Variants in DNM3 observed in about 807,000 individuals in gnomAD.
DNM3 encodes dynamin-3.
DNM3 carries 47 observed loss-of-function variants against 101.6 expected under a neutral mutation model. That is an observed-to-expected ratio of 0.46 (90% CI 0.37 to 0.59). DNM3 has a LOEUF of 0.59. Ranked by LOEUF, DNM3 falls within the 20% of genes least tolerant of loss-of-function variation. The pLI is 0.00. For missense variants in DNM3, 849 were observed against 1,085.7 expected, an observed-to-expected ratio of 0.78 and a Z score of 3.06; for synonymous variants, 385 against 387.9, an observed-to-expected ratio of 0.99 and a Z score of 0.09.
intron 14 of DNM3, among the ~76,000 whole-genome samples, chr1:172,170,531 G>A (rs540016168): frequency 6.6e-6 from 1 of 152,002 alleles, no homozygotes; most frequent in Admixed American, 6.6e-5. Flanking sequence ...GTTAATGTGT[G>A]TAAGGCTCCT....
At chr1:172,271,931 G>A (rs182379999) in intron 15 of DNM3, among the ~76,000 whole-genome samples, 7 of 152,152 alleles carry the variant, frequency 4.6e-5, no homozygotes, top group Non-Finnish European at 8.8e-5. Context: ...TGTCAATGAC[G>A]CCCATGGTGA....
intron 1 of DNM3, among the ~76,000 whole-genome samples, chr1:171,859,143 T>C (rs952959431): frequency 6.6e-6 from 1 of 152,164 alleles, no homozygotes; most frequent in Admixed American, 6.6e-5. Context: ...TTATGTGTTG[T>C]TATTCTTTTA....
chr1:172,379,751 T>A (rs1289394753), intron 18 of DNM3, among the ~76,000 whole-genome samples: 2 of 152,072 alleles, frequency 1.3e-5, no homozygotes, highest in Non-Finnish European at 2.9e-5. Flanking sequence ...CTGAAAATCC[T>A]GCTTGACTAG....
chr1:172,101,526 A>C (rs894530108), intron 13 of DNM3, among the ~76,000 whole-genome samples: 1 of 152,194 alleles, frequency 6.6e-6, no homozygotes, highest in Admixed American at 6.5e-5. Context: ...TTTGTATTAA[A>C]TGTGATAATA....
At chr1:171,920,805 C>T (rs928317309) in intron 1 of DNM3, among the ~76,000 whole-genome samples, 4 of 152,142 alleles carry the variant, frequency 2.6e-5, no homozygotes, top group Non-Finnish European at 5.9e-5. Flanking sequence ...TTTATCAAAA[C>T]GTCCATTTAT....
intron 1 of DNM3, among the ~76,000 whole-genome samples, chr1:171,854,803 G>A (rs942047174): frequency 6.6e-6 from 1 of 151,836 alleles, no homozygotes; most frequent in African/African-American, 2.4e-5. Context: ...CTGACCTCAG[G>A]TGATTCGCCA....
At chr1:171,960,828 G>T (rs763070200) in intron 2 of DNM3, among the ~76,000 whole-genome samples, 7 of 152,178 alleles carry the variant, frequency 4.6e-5, no homozygotes, top group African/African-American at 9.7e-5. Context: ...GCAGGATGGG[G>T]TGAGGTGGTA....
chr1:172,064,010 C>A (rs1180216975), intron 10 of DNM3, among the ~76,000 whole-genome samples: 2 of 152,008 alleles, frequency 1.3e-5, no homozygotes, highest in East Asian at 1.9e-4. Context: ...AGGCAACCTG[C>A]CACTCAAGAC....
At chr1:172,081,755 T>C in intron 11 of DNM3, 77 bp from the exon 12 acceptor site, 1 of 1,162,260 alleles carries the variant, frequency 8.6e-7, no homozygotes, top group South Asian at 1.5e-5. Context: ...GGTAATTAAT[T>C]TGTGGGCAAT....
At chr1:172,023,999 G>T (rs1459066138) in intron 4 of DNM3, among the ~76,000 whole-genome samples, 1 of 151,016 alleles carries the variant, frequency 6.6e-6, no homozygotes, top group Non-Finnish European at 1.5e-5. Flanking sequence ...TCTGTTTATG[G>T]CCTTCTAATT....
chr1:171,960,661 C>T (rs1200724555), intron 2 of DNM3, among the ~76,000 whole-genome samples: 4 of 152,042 alleles, frequency 2.6e-5, no homozygotes, highest in Non-Finnish European at 5.9e-5. Flanking sequence ...TGAGCAGATA[C>T]ATTAGGAGAG....
intron 20 of DNM3, among the ~76,000 whole-genome samples, chr1:172,404,152 T>G (rs1393321753): frequency 2.0e-5 from 3 of 152,114 alleles, no homozygotes; most frequent in African/African-American, 4.8e-5. Flanking sequence ...ACTAAGTACA[T>G]ATTTGGGTTC....
rs142177057 is a variant in DNM3 at position 171,885,678 on chromosome 1, C to T, written c.162-36070C>T. ...GGGATATGCCCACCTAGAGCTTGAA[C>T]CCTTCTACCTTCTAACCCATGTAGC... On this transcript the variant is annotated intron_variant, in intron 1 of 20. Transcript: ENST00000627582. 1.1e-3 allele frequency among the ~76,000 whole-genome samples: 172 copies of T among 152,230 alleles called. 1 individual carries two copies. Among genetic ancestry groups the T allele is most frequent in the Middle Eastern group, 0.01 (3 of 294 alleles).
In DNM3 at chr1:171,926,135, A is replaced by G. The variant is rs551213655; in HGVS notation, c.235+4314A>G. 2.0e-5 allele frequency among the ~76,000 whole-genome samples: 3 copies of G among 152,298 alleles called. No individual in the cohort carries two copies. In the East Asian group the frequency reaches 5.8e-4, roughly 29 times the overall value. ...TATAGTTTAGTATAGAGTAGTTTGA[A>G]GTTGGGTAATGTGATGCCTCTGGCT... On this transcript the variant is annotated intron_variant, in intron 2 of 20. Coordinates refer to ENST00000627582, the MANE Select transcript of DNM3 (RefSeq NM_015569.5).
chr1:172,145,667 T>A (rs1336051593), intron 14 of DNM3, among the ~76,000 whole-genome samples: 2 of 152,154 alleles, frequency 1.3e-5, no homozygotes, highest in African/African-American at 4.8e-5. Flanking sequence ...CGTTACAGTT[T>A]TTGTTTGAAG....
At chr1:172,328,081 C>G (rs2066013999) in intron 17 of DNM3, among the ~76,000 whole-genome samples, 1 of 152,068 alleles carries the variant, frequency 6.6e-6, no homozygotes, top group Admixed American at 6.5e-5. Flanking sequence ...TATAGAGAAG[C>G]AAGAATTGAT....
At chr1:172,122,960 A>G (rs2056409635) in intron 13 of DNM3, among the ~76,000 whole-genome samples, 2 of 152,196 alleles carry the variant, frequency 1.3e-5, no homozygotes, top group Non-Finnish European at 2.9e-5. Flanking sequence ...ATGTGTGTGA[A>G]GCTCTTAGCA....
chr1:172,095,453 T>G (rs1352628865), intron 13 of DNM3, among the ~76,000 whole-genome samples: 3 of 152,236 alleles, frequency 2.0e-5, no homozygotes, highest in African/African-American at 7.2e-5. Flanking sequence ...CAATATATTT[T>G]AAAGGATCTT....
chr1:171,914,212 C>G (rs974788319), intron 1 of DNM3, among the ~76,000 whole-genome samples: 7 of 152,156 alleles, frequency 4.6e-5, no homozygotes, highest in Admixed American at 4.6e-4. Flanking sequence ...GGCTGGAGTG[C>G]AATGATGCGA....
Sources: allele counts gnomAD v4.1 joint callset (sites outside exome capture counted in the v4.1 genomes callset), GRCh38; gene constraint gnomAD v4.1.1; transcripts MANE v1.5; gene names NCBI Gene and HGNC (gene_info 2026-07-23, HGNC 2026-07-21).